Variants in TDRD5 observed in about 807,000 individuals in gnomAD.
TDRD5 encodes tudor domain containing 5.
In TDRD5, 41 loss-of-function variants were observed where a neutral mutation model predicts 120.6. The observed-to-expected ratio is 0.34, with a 90% CI of 0.26 to 0.44. The LOEUF is 0.44. Ranked by LOEUF, TDRD5 falls within the 20% of genes least tolerant of loss-of-function variation. The pLI is 1.00. For synonymous variants in TDRD5, 430 were observed against 433.7 expected (o/e 0.99, Z 0.11); for missense variants, 1,006 against 1,221.2 (o/e 0.82, Z 2.63).
At chr1:179,641,655 G>A (rs995017071) in intron 11 of TDRD5, among the ~76,000 whole-genome samples, 9 of 152,106 alleles carry the variant, frequency 5.9e-5, no homozygotes, top group Non-Finnish European at 8.8e-5. Context: ...TGGGAGCGAG[G>A]GTTTTTTGGT....
At chr1:179,629,216 A>G (rs1458430385) in intron 6 of TDRD5, among the ~76,000 whole-genome samples, 1 of 152,136 alleles carries the variant, frequency 6.6e-6, no homozygotes, top group Non-Finnish European at 1.5e-5. Context: ...TTAGCAGATA[A>G]CAACCCAATA....
chr1:179,609,758 A>G (rs1483696714), intron 4 of TDRD5, among the ~76,000 whole-genome samples: 1 of 152,118 alleles, frequency 6.6e-6, no homozygotes, highest in Non-Finnish European at 1.5e-5. Flanking sequence ...AGTTTGGAGT[A>G]TTGTTCAGCC....
At chr1:179,657,973 A>G (rs1199264757) in intron 14 of TDRD5, among the ~76,000 whole-genome samples, 1 of 152,122 alleles carries the variant, frequency 6.6e-6, no homozygotes, top group East Asian at 1.9e-4. Flanking sequence ...GTCTACTGAA[A>G]TTTTGTGTCC....
intron 16 of TDRD5, among the ~76,000 whole-genome samples, chr1:179,667,395 T>A (rs1181091343): frequency 6.6e-6 from 1 of 152,164 alleles, no homozygotes; most frequent in Non-Finnish European, 1.5e-5. Context: ...ATTAAACAGC[T>A]AAACATAGGC....
intron 11 of TDRD5, among the ~76,000 whole-genome samples, chr1:179,641,356 C>A (rs1261210667): frequency 1.3e-5 from 2 of 151,906 alleles, no homozygotes; most frequent in African/African-American, 2.4e-5. Flanking sequence ...ATGGTGAAAC[C>A]CCATATCTAC....
At chr1:179,658,448 G>A (rs1372135962) in intron 14 of TDRD5, among the ~76,000 whole-genome samples, 2 of 152,082 alleles carry the variant, frequency 1.3e-5, no homozygotes, top group Non-Finnish European at 1.5e-5. Context: ...GTAGATATAA[G>A]ATTATTCAAA....
chr1:179,640,367 T>C lies in TDRD5; in HGVS notation c.1734-12T>C, dbSNP rs1677980297. On this transcript the variant is annotated splice_polypyrimidine_tract_variant and intron_variant, in intron 10 of 17. Transcript: ENST00000444136. ...GGAAGATTGAACTTACATATTTGAT[T>C]ATCTATTGCAGGTGCTGCTACACAA... 1 of 1,614,088 alleles carries C rather than the reference T, an allele frequency of 6.2e-7. No homozygotes were observed. The highest frequency in any genetic ancestry group is 8.5e-7 in the Non-Finnish European group (1 of 1,179,940).
chr1:179,646,947 AAG>A (rs937575204), intron 11 of TDRD5, among the ~76,000 whole-genome samples: 4 of 150,238 alleles, frequency 2.7e-5, no homozygotes, highest in African/African-American at 9.8e-5. Flanking sequence ...AAGGAAATAA[AAG>A]AGGATACAAA....
rs767321627 is a variant in TDRD5 at position 179,635,830 on chromosome 1, TC to T, written c.1465del (p.Arg489GlyfsTer14). ...ATCATCTCTCCTAGTCAATTCTACATCCGGATCTATAGCAGGGATTCGTCAG... is the reference window on the plus strand; with the variant it reads ...ATCATCTCTCCTAGTCAATTCTACATCGGATCTATAGCAGGGATTCGTCAG... ...EYIISPSQFY[I>X]RIYSRDSSEL... On this transcript the variant is annotated frameshift_variant, in exon 9 of 18. Transcript: ENST00000444136. LOFTEE classifies it high-confidence loss of function. 1 of 1,613,844 alleles carries T rather than the reference TC, an allele frequency of 6.2e-7. No individual in the cohort carries two copies. The highest frequency in any genetic ancestry group is 1.7e-5 in the Admixed American group (1 of 60,004).
intron 11 of TDRD5, among the ~76,000 whole-genome samples, chr1:179,645,475 C>T (rs1463817886): frequency 6.6e-6 from 1 of 152,194 alleles, no homozygotes; most frequent in Non-Finnish European, 1.5e-5. Flanking sequence ...TATCCGTCAG[C>T]CCTTTAAATA....
intron 17 of TDRD5, among the ~76,000 whole-genome samples, chr1:179,675,379 A>C (rs1680093395): frequency 1.4e-5 from 2 of 138,192 alleles, no homozygotes; most frequent in African/African-American, 5.5e-5. Flanking sequence ...TCTTGGGTTC[A>C]TGCCATTCTC....
At chr1:179,639,702 A>G in intron 9 of TDRD5, 137 bp from the exon 10 acceptor site, 1 of 788,942 alleles carries the variant, frequency 1.3e-6, no homozygotes, top group Non-Finnish European at 2.0e-6. Context: ...ATTGGTATTA[A>G]TGAGCATTAA....
At position 179,592,587 on chromosome 1, in the gene TDRD5, C is replaced by T. The variant is rs1195321232; in HGVS notation, c.-14-15C>T. 6.3e-7 allele frequency: 1 copy of T among 1,599,978 alleles called. No individual in the cohort carries two copies. The highest frequency in any genetic ancestry group is 8.6e-7 in the Non-Finnish European group (1 of 1,168,716). ...GGGTTTGCCCCCTTTTCCTCAGCTG[C>T]GTTTCTGTCTTCAGTCCTGTAGGGC... On this transcript the variant is annotated splice_polypyrimidine_tract_variant and intron_variant, in intron 1 of 17. Coordinates refer to ENST00000444136, the MANE Select transcript of TDRD5 (RefSeq NM_001199085.3).
intron 4 of TDRD5, among the ~76,000 whole-genome samples, chr1:179,609,405 A>T (rs1450957330): frequency 6.6e-6 from 1 of 152,162 alleles, no homozygotes; most frequent in Admixed American, 6.5e-5. Context: ...TTTGACTGTG[A>T]CTCATCACAT....
In TDRD5 at chr1:179,663,413, T is replaced by C; in HGVS notation, c.2571T>C (p.Asn857=). The C allele has an allele frequency of 1.2e-6, 2 of 1,613,788 alleles. No homozygotes were observed. The highest frequency in any genetic ancestry group is 1.7e-6 in the Non-Finnish European group (2 of 1,179,874). ...CTTGGCAGCCTTCAGGCCTTGTAAA[T>C]GGAACGAAAGTAGAAGTTCATAAGC... ...DDSWQPSGLV[N]GTKVEVHKPE... Residue 857 remains asparagine (N), a synonymous_variant, in exon 16 of 18, where the codon AAT becomes AAC. Coordinates refer to ENST00000444136, the MANE Select transcript of TDRD5 (RefSeq NM_001199085.3).
intron 4 of TDRD5, among the ~76,000 whole-genome samples, chr1:179,603,825 G>A (rs372516302): frequency 6.6e-6 from 1 of 152,020 alleles, no homozygotes; most frequent in Non-Finnish European, 1.5e-5. Flanking sequence ...CAGGGATATC[G>A]ATCTGTAGTT....
Position 179,690,901 on chromosome 1 carries a change from C to A in TDRD5, c.3066C>A (p.Ser1022Arg). The stretch of plus-strand genomic sequence containing the variant: ...CCGCACGGTTAGCTACATCCAGGAG[C>A]CTCCTACACTGGTACCCCAGTGTGA... ...GAAARLATSR[S>R]LLHWYPSVKR... Residue 1022 changes from serine to arginine, a missense_variant, in exon 18 of 18, where the codon AGC becomes AGA. This residue lies in a region of TDRD5 where 403 missense variants were observed against 448.1 expected (regional missense o/e 0.90). Transcript: ENST00000444136. The A allele has an allele frequency of 6.2e-7, 1 of 1,613,970 alleles. No homozygotes were observed. The highest frequency in any genetic ancestry group is 8.5e-7 in the Non-Finnish European group (1 of 1,179,988).
chr1:179,645,172 G>A (rs1252828059), intron 11 of TDRD5, among the ~76,000 whole-genome samples: 1 of 133,148 alleles, frequency 7.5e-6, no homozygotes, highest in African/African-American at 2.8e-5. Flanking sequence ...TGCAAGCTCC[G>A]CCTCCCGGGT....
chr1:179,655,793 T>C (rs996882776), intron 14 of TDRD5, among the ~76,000 whole-genome samples: 3 of 152,354 alleles, frequency 2.0e-5, no homozygotes, highest in Middle Eastern at 3.4e-3. Context: ...ATCAATAATA[T>C]GTTCTTTTCG....
Sources: allele counts gnomAD v4.1 joint callset (sites outside exome capture counted in the v4.1 genomes callset), GRCh38; gene constraint gnomAD v4.1.1; regional missense constraint gnomAD v4.1.1; transcripts MANE v1.5; gene names NCBI Gene and HGNC (gene_info 2026-07-23, HGNC 2026-07-21).